The following ADRA1A variants were observed in gnomAD, a reference collection of about 807,000 sequenced individuals.
ADRA1A encodes adrenoceptor alpha 1A.
ADRA1A carries 31 observed loss-of-function variants against 29.6 expected under a neutral mutation model. That is an observed-to-expected ratio of 1.05 (90% confidence interval 0.79 to 1.41). The LOEUF is 1.41. Among genes scored for constraint, ADRA1A ranks in the 40% most tolerant of loss-of-function variants. ADRA1A has a pLI of 0.00. For missense variants in ADRA1A, 619 were observed against 601.1 expected (o/e 1.03, Z -0.31); for synonymous variants, 311 against 254.3 (o/e 1.22, Z -2.12).
At position 26,866,437 on chromosome 8, in the gene ADRA1A, G is replaced by C. The variant is rs1813911600; in HGVS notation, c.-687+499C>G. ...GCAAGTGACAGTCACTGCGGATTTT[G>C]CAGGCGTAAACATTAAGCCGGCATG... is the stretch of plus-strand genomic sequence containing the variant. On this transcript the variant is annotated intron_variant, in intron 1 of 2. Coordinates refer to ENST00000380573, the MANE Select transcript of ADRA1A (RefSeq NM_000680.4). This position sits in a 1 kb window ranked among gnomAD's most constrained non-coding sequence, Gnocchi z 5.7. Among the ~76,000 whole-genome samples the C allele has an allele frequency of 6.6e-6, 1 of 152,186 alleles. No homozygotes were observed. Among genetic ancestry groups the C allele is most frequent in the Non-Finnish European group, 1.5e-5 (1 of 68,034 alleles).
intron 2 of ADRA1A, chr8:26,854,425 G>C (rs1001717084): frequency 2.4e-5 from 3 of 127,006 alleles, no homozygotes; most frequent in South Asian, 3.5e-4. Context: ...AAGCGGGGCG[G>C]GGGGGGGGAG....
intron 2 of ADRA1A, chr8:26,859,333 T>TAA: frequency 2.0e-6 from 1 of 501,632 alleles, no homozygotes; most frequent in South Asian, 2.0e-5. Context: ...AGTGCCATCT[T>TAA]CTTTAAGTCT....
At chr8:26,842,854 T>C (rs1224001237) in intron 2 of ADRA1A, among the ~76,000 whole-genome samples, 4 of 132,682 alleles carry the variant, frequency 3.0e-5, no homozygotes, top group Non-Finnish European at 6.3e-5. Flanking sequence ...TCTCTCTCCC[T>C]CTCTCTCTTT....
At position 26,770,366 on chromosome 8, in the gene ADRA1A, C is replaced by G; in HGVS notation, c.1184G>C (p.Cys395Ser). The change falls in exon 3 of 3, where the codon TGT becomes TCT. Residue 395 changes from cysteine (C) to serine (S), a missense_variant. Transcript: ENST00000380573. Reference sequence around the variant, plus strand: ...CATGGAAGAGAAAAATTTCCATTCACAAACGCCATCCGTCTTGGAGATCCT... The same window carrying G: ...CATGGAAGAGAAAAATTTCCATTCAGAAACGCCATCCGTCTTGGAGATCCT... ...FYRISKTDGV[C>S]EWKFFSSMPR... 1 of 1,614,232 alleles carries G rather than the reference C, an allele frequency of 6.2e-7. No homozygotes were observed. The highest frequency in any genetic ancestry group is 1.7e-5 in the Admixed American group (1 of 60,032).
downstream of ADRA1A, among the ~76,000 whole-genome samples, chr8:26,752,414 A>T (rs1478037297): frequency 5.9e-5 from 9 of 152,200 alleles, 1 homozygote. Context: ...TTACCTGCAC[A>T]TGTGGCAACA....
At chr8:26,811,687 C>T (rs1037764325) in intron 2 of ADRA1A, among the ~76,000 whole-genome samples, 4 of 152,150 alleles carry the variant, frequency 2.6e-5, no homozygotes, top group South Asian at 2.1e-4. Flanking sequence ...TGTAAAGTTC[C>T]AAATCTTCAG....
At chr8:26,750,941 T>A (rs1804896742) in intron 2 of ADRA1A, among the ~76,000 whole-genome samples, 1 of 152,126 alleles carries the variant, frequency 6.6e-6, no homozygotes. Context: ...CGGTGGCGCA[T>A]GCCTGTAATC....
rs147324620 is a variant in ADRA1A, at chr8:26,864,550, C to T, written c.420G>A (p.Gln140=). The T allele has an allele frequency of 5.8e-5, 93 of 1,614,022 alleles. No individual in the cohort carries two copies. The highest frequency in any genetic ancestry group is 3.3e-4 in the Middle Eastern group (2 of 6,084). Reference sequence around the variant, plus strand: ...AGAGCAGAGCCATGAGACCCCTCCTCTGGGTGACGATGGTTGGGTAGCGCA... The same window carrying T: ...AGAGCAGAGCCATGAGACCCCTCCTTTGGGTGACGATGGTTGGGTAGCGCA... ...YPLRYPTIVT[Q]RRGLMALLCV... Residue 140 remains glutamine, a synonymous_variant, in exon 2 of 3, where the codon CAG becomes CAA. Coordinates refer to ENST00000380573, the MANE Select transcript of ADRA1A (RefSeq NM_000680.4). The surrounding 1 kb of genome is among the most constrained non-coding windows in gnomAD (Gnocchi z 8.1).
downstream of ADRA1A, among the ~76,000 whole-genome samples, chr8:26,765,438 A>C (rs529954272): frequency 2.6e-5 from 4 of 152,286 alleles, no homozygotes; most frequent in Admixed American, 2.6e-4. Context: ...CACAGCTGCC[A>C]TTGCTTTCTG....
In ADRA1A at chr8:26,769,806, T is replaced by G; in HGVS notation, c.*343A>C. ...AAACTTAGAGTGTGTGCTCAAAATATTCATGATGAAATCATAATCCTATAT... is the reference window on the plus strand; with the variant it reads ...AAACTTAGAGTGTGTGCTCAAAATAGTCATGATGAAATCATAATCCTATAT... On this transcript the variant is annotated 3_prime_UTR_variant, in exon 3 of 3. Coordinates refer to ENST00000380573, the MANE Select transcript of ADRA1A (RefSeq NM_000680.4). 9.7e-7 allele frequency: 1 copy of G among 1,026,750 alleles called. No individual in the cohort carries two copies. The allele number at this position is 1,026,750 out of a possible 1,614,324, so 63.6% of individuals were successfully genotyped here. A position where few individuals can be genotyped will look rare whatever the true frequency, so the allele number is the denominator to read the frequency against.
chr8:26,857,605 G>A (rs1355115767), intron 2 of ADRA1A, among the ~76,000 whole-genome samples: 1 of 152,164 alleles, frequency 6.6e-6, no homozygotes, highest in African/African-American at 2.4e-5. Context: ...CGAGGCCGCA[G>A]TGAGCTATGA....
Position 26,860,994 on chromosome 8 carries a change from G to A in ADRA1A, c.883+3093C>T, listed in dbSNP as rs1178850639. On this transcript the variant is annotated intron_variant, in intron 2 of 2. Transcript: ENST00000380573. This position sits in a 1 kb window ranked among gnomAD's most constrained non-coding sequence, Gnocchi z 4.7. ...CCTGTTCCCACTTTTTTTATCCTTT[G>A]TTCTTTCTAGAAAGTACACAATCAG... 6.6e-6 allele frequency among the ~76,000 whole-genome samples: 1 copy of A among 151,938 alleles called. No individual in the cohort carries two copies. Among genetic ancestry groups the A allele is most frequent in the African/African-American group, 2.4e-5 (1 of 41,352 alleles).
At chr8:26,797,973 G>A (rs866430927) in intron 2 of ADRA1A, among the ~76,000 whole-genome samples, 1 of 149,048 alleles carries the variant, frequency 6.7e-6, no homozygotes, top group African/African-American at 2.6e-5. Flanking sequence ...CATCTGCATC[G>A]ACAGTAAGTT....
intron 2 of ADRA1A, among the ~76,000 whole-genome samples, chr8:26,793,354 T>C (rs1474812929): frequency 6.6e-6 from 1 of 151,976 alleles, no homozygotes; most frequent in Non-Finnish European, 1.5e-5. Context: ...GAGAGCTTCA[T>C]GCAAGAAGCC....
intron 2 of ADRA1A, chr8:26,836,170 G>A (rs1014787265): frequency 9.9e-5 from 24 of 243,024 alleles, no homozygotes; most frequent in African/African-American, 5.3e-4. Context: ...GTCTGGTTGG[G>A]GAAGCGTCTG....
At chr8:26,840,106 A>T (rs184524417) in intron 2 of ADRA1A, among the ~76,000 whole-genome samples, 1 of 152,214 alleles carries the variant, frequency 6.6e-6, no homozygotes, top group Non-Finnish European at 1.5e-5. Flanking sequence ...ATGAAACACT[A>T]TTGCTCAAGA....
chr8:26,754,496 T>C (rs17055925), downstream of ADRA1A, among the ~76,000 whole-genome samples: 7,936 of 152,090 alleles, frequency 0.052, 259 homozygotes, highest in Middle Eastern at 0.078. Flanking sequence ...ATCTTATTTG[T>C]CACAACAATT....
chr8:26,767,738 A>G (rs1805867951), downstream of ADRA1A, among the ~76,000 whole-genome samples: 1 of 151,684 alleles, frequency 6.6e-6, no homozygotes, highest in African/African-American at 2.4e-5. Flanking sequence ...TCAAACATGG[A>G]ACCATAATTT....
chr8:26,835,482 A>T (rs1811281042), intron 2 of ADRA1A, among the ~76,000 whole-genome samples: 3 of 152,152 alleles, frequency 2.0e-5, no homozygotes, highest in Admixed American at 1.3e-4. Flanking sequence ...CTGAAAGGGG[A>T]AGCAAACACA....
Sources: gnomAD v4.1 joint callset for allele counts (sites outside exome capture counted in the v4.1 genomes callset) on GRCh38, gnomAD v4.1.1 for gene constraint, Gnocchi (gnomAD v3.1) non-coding constraint, MANE v1.5 for transcripts, NCBI Gene and HGNC (gene_info 2026-07-23, HGNC 2026-07-21) for gene names.